RNF38: variants seen among roughly 807,000 people sequenced by gnomAD.
The protein encoded by RNF38 is ring finger protein 38.
In RNF38, 15 loss-of-function variants were observed where a neutral mutation model predicts 67.2. The observed-to-expected ratio is 0.22, with a 90% CI of 0.15 to 0.34. The LOEUF is 0.34. Ranked by LOEUF, RNF38 falls within the 10% of genes least tolerant of loss-of-function variation. RNF38 has a pLI of 1.00. For synonymous variants in RNF38, 220 were observed against 218.8 expected, an observed-to-expected ratio of 1.01 and a Z score of -0.05; for missense variants, 524 against 639.9, an observed-to-expected ratio of 0.82 and a Z score of 1.95.
intron 8 of RNF38, among the ~76,000 whole-genome samples, chr9:36,352,008 A>T (rs770796293): frequency 2.0e-4 from 31 of 152,216 alleles, no homozygotes; most frequent in South Asian, 2.1e-4. Flanking sequence ...GACAGAAATA[A>T]ATAATTACTG....
rs571498972 is a variant in RNF38, at chr9:36,338,021, C to CT, written c.*1730dup. Reference sequence around the variant, plus strand: ...GCATGGCAGTAACAAGTAGTTAACACTGAATGGAAAACTGACACAGAGCCA... The same window carrying CT: ...GCATGGCAGTAACAAGTAGTTAACACTTGAATGGAAAACTGACACAGAGCCA... On this transcript the variant is annotated 3_prime_UTR_variant, in exon 12 of 12. Coordinates refer to ENST00000259605, the MANE Select transcript of RNF38 (RefSeq NM_022781.5). 474 of 152,742 alleles carry CT rather than the reference C, an allele frequency of 3.1e-3. 6 individuals are homozygous for CT. Among genetic ancestry groups the CT allele is most frequent in the African/African-American group, 0.011 (451 of 41,564 alleles). 9.5% of individuals were successfully genotyped at this position (152,742 alleles called of 1,614,324 possible). A position where few individuals can be genotyped will look rare whatever the true frequency, so the allele number is the denominator to read the frequency against.
At chr9:36,420,014 GAT>G (rs1564055725) in intron 2 of RNF38, among the ~76,000 whole-genome samples, 1 of 152,160 alleles carries the variant, frequency 6.6e-6, no homozygotes, top group Non-Finnish European at 1.5e-5. Context: ...TCCACTTGCA[GAT>G]ATGTTTCTCC....
At chr9:36,414,681 T>A (rs538186812) in intron 2 of RNF38, among the ~76,000 whole-genome samples, 132 of 144,352 alleles carry the variant, frequency 9.1e-4, no homozygotes, top group Admixed American at 1.5e-3. Context: ...AGCGAAACTC[T>A]GTCTCCAAAA....
chr9:36,339,886 A>C, intron 11 of RNF38, 72 bp from the exon 12 acceptor site: 1 of 1,229,702 alleles, frequency 8.1e-7, no homozygotes, highest in Non-Finnish European at 1.2e-6. Context: ...CAATGGAACT[A>C]CTTTTACTTC....
chr9:36,429,345 T>C (rs1444796054), intron 1 of RNF38, among the ~76,000 whole-genome samples: 1 of 152,188 alleles, frequency 6.6e-6, no homozygotes, highest in Non-Finnish European at 1.5e-5. Flanking sequence ...CTGTGGGAGC[T>C]TGGTCCCAGG....
At chr9:36,436,325 T>C (rs962313591) in intron 1 of RNF38, among the ~76,000 whole-genome samples, 1 of 152,160 alleles carries the variant, frequency 6.6e-6, no homozygotes, top group Non-Finnish European at 1.5e-5. Flanking sequence ...TAAACAGTGA[T>C]AATCCAAACA....
At chr9:36,403,346 C>G (rs543049948), upstream of RNF38, among the ~76,000 whole-genome samples, 1 of 152,336 alleles carries the variant, frequency 6.6e-6, no homozygotes, top group African/African-American at 2.4e-5. Flanking sequence ...TCTGCCCCAT[C>G]GAAAAGGCTG....
chr9:36,409,828 A>G (rs1838279334), intron 2 of RNF38, among the ~76,000 whole-genome samples: 1 of 152,220 alleles, frequency 6.6e-6, no homozygotes, highest in Admixed American at 6.5e-5. Flanking sequence ...TAAGGAAAAG[A>G]AGGAAATATG....
At chr9:36,433,996 G>A (rs979209471) in intron 1 of RNF38, among the ~76,000 whole-genome samples, 4 of 151,706 alleles carry the variant, frequency 2.6e-5, no homozygotes, top group African/African-American at 9.7e-5. Flanking sequence ...TCCAGACTTA[G>A]GGAGGCCAAG....
intron 2 of RNF38, among the ~76,000 whole-genome samples, chr9:36,422,349 A>G (rs1203201791): frequency 6.6e-6 from 1 of 152,066 alleles, no homozygotes; most frequent in Non-Finnish European, 1.5e-5. Flanking sequence ...CCTGGGAGGC[A>G]GAGGTTGCAG....
In RNF38 at chr9:36,339,735, T is replaced by G. The variant is rs1253679337; in HGVS notation, c.*17A>C. 6.2e-7 allele frequency: 1 copy of G among 1,605,272 alleles called. No homozygotes were observed. The highest frequency in any genetic ancestry group is 8.5e-7 in the Non-Finnish European group (1 of 1,173,078). ...TGATGAGGAACACCCAAACTAAATT[T>G]GTGCTTCTTAGGTTGGTCATTCTGA... On this transcript the variant is annotated 3_prime_UTR_variant, in exon 12 of 12. Coordinates refer to ENST00000259605, the MANE Select transcript of RNF38 (RefSeq NM_022781.5).
intron 2 of RNF38, among the ~76,000 whole-genome samples, chr9:36,412,429 C>T (rs528742169): frequency 2.0e-5 from 3 of 152,244 alleles, no homozygotes; most frequent in African/African-American, 7.2e-5. Context: ...CAATTACTTG[C>T]ACAACATGAA....
Position 36,467,791 on chromosome 9 carries a change from A to C in RNF38, n.241+19517T>G, listed in dbSNP as rs1839900089. On this transcript the variant is annotated intron_variant and non_coding_transcript_variant, in intron 1 of 3. Coordinates refer to the RNF38 transcript ENST00000488058. ...TGGGATTATAGTGGGGAGAGGAATA[A>C]GAATGGAGGGTCCATCAGTCAGGTC... Among the ~76,000 whole-genome samples the C allele has an allele frequency of 1.3e-5, 2 of 152,204 alleles. 1 individual carries two copies. Among genetic ancestry groups the C allele is most frequent in the Non-Finnish European group, 2.9e-5 (2 of 68,036 alleles).
chr9:36,462,270 T>C (rs935102047), intron 1 of RNF38, among the ~76,000 whole-genome samples: 3 of 152,146 alleles, frequency 2.0e-5, no homozygotes, highest in Non-Finnish European at 4.4e-5. Context: ...CCAGCCTGTA[T>C]GCAACTTAGC....
intron 1 of RNF38, among the ~76,000 whole-genome samples, chr9:36,473,654 C>G (rs1180483205): frequency 6.6e-6 from 1 of 152,098 alleles, no homozygotes; most frequent in African/African-American, 2.4e-5. Context: ...GATGCAGGTA[C>G]TCCTACTCCT....
rs1309655968 is a variant in RNF38 at position 36,371,934 on chromosome 9, C to T, written c.357-2002G>A. On this transcript the variant is annotated intron_variant, in intron 3 of 11. Coordinates refer to ENST00000259605, the MANE Select transcript of RNF38 (RefSeq NM_022781.5). Reference sequence around the variant, plus strand: ...CCAGAATGAACTCACTTTTTCTTTTCTTTTTTTTTTTTTTGAGACAGAGTC... The same window carrying T: ...CCAGAATGAACTCACTTTTTCTTTTTTTTTTTTTTTTTTTGAGACAGAGTC... Among the ~76,000 whole-genome samples, 37 of 140,752 alleles carry T rather than the reference C, an allele frequency of 2.6e-4. No individual in the cohort carries two copies. In the South Asian group the frequency reaches 6.8e-3, roughly 26 times the overall value. 92.3% of individuals were successfully genotyped at this position (140,752 alleles called of 152,430 possible).
intron 1 of RNF38, among the ~76,000 whole-genome samples, chr9:36,393,334 G>C (rs1487267464): frequency 6.6e-6 from 1 of 152,092 alleles, no homozygotes; most frequent in Non-Finnish European, 1.5e-5. Flanking sequence ...TTTGATCAGA[G>C]GCTCCATTTG....
intron 3 of RNF38, among the ~76,000 whole-genome samples, chr9:36,372,075 C>T (rs1255172261): frequency 2.0e-5 from 3 of 151,882 alleles, no homozygotes; most frequent in South Asian, 2.1e-4. Flanking sequence ...GGACTACAGG[C>T]GTCTGCCACC....
chr9:36,430,293 T>TCCTC (rs1210805733), intron 1 of RNF38, among the ~76,000 whole-genome samples: 1 of 152,000 alleles, frequency 6.6e-6, no homozygotes, highest in African/African-American at 2.4e-5. Flanking sequence ...TACAACCTCC[T>TCCTC]CCTCCCGGGT....
Sources: gnomAD v4.1 joint callset for allele counts (sites outside exome capture counted in the v4.1 genomes callset) on GRCh38, gnomAD v4.1.1 for gene constraint, MANE v1.5 for transcripts, NCBI Gene and HGNC (gene_info 2026-07-23, HGNC 2026-07-21) for gene names.